AGBL1: variants seen among roughly 807,000 people sequenced by gnomAD.
The protein encoded by AGBL1 is AGBL carboxypeptidase 1, also known as cytosolic carboxypeptidase 4.
Under a neutral mutation model 118.9 loss-of-function variants are expected in AGBL1, and 130 were observed. That is an observed-to-expected ratio of 1.09 (90% CI 0.95 to 1.26). The LOEUF is 1.26. AGBL1 is among the 50% of genes most tolerant of loss of function. AGBL1 has a pLI of 0.00. For synonymous variants in AGBL1, 555 were observed against 478.9 expected, an observed-to-expected ratio of 1.16 and a Z score of -2.08; for missense variants, 1,584 against 1,298.1, an observed-to-expected ratio of 1.22 and a Z score of -3.38.
intron 18 of AGBL1, among the ~76,000 whole-genome samples, chr15:86,412,036 C>T (rs938383244): frequency 2.0e-5 from 3 of 152,150 alleles, no homozygotes; most frequent in African/African-American, 7.2e-5. Context: ...CAAGGAATCC[C>T]TTGAAAAATC....
chr15:86,254,775 C>T (rs988366034), intron 7 of AGBL1, among the ~76,000 whole-genome samples: 7 of 152,154 alleles, frequency 4.6e-5, no homozygotes, highest in Non-Finnish European at 1.0e-4. Context: ...CTTTCCTCAC[C>T]TTAGTCTTGG....
At chr15:86,996,575 C>T (rs1301588380) in intron 24 of AGBL1, among the ~76,000 whole-genome samples, 1 of 152,184 alleles carries the variant, frequency 6.6e-6, no homozygotes, top group African/African-American at 2.4e-5. Flanking sequence ...GTACTCCAGC[C>T]TGGGCAACAG....
chr15:86,273,737 A>G (rs2079198624), intron 15 of AGBL1, among the ~76,000 whole-genome samples: 1 of 152,020 alleles, frequency 6.6e-6, no homozygotes, highest in South Asian at 2.1e-4. Context: ...CTCTATTTCT[A>G]TTATGCTGTT....
intron 18 of AGBL1, among the ~76,000 whole-genome samples, chr15:86,469,622 G>C (rs1371532901): frequency 6.6e-6 from 1 of 152,024 alleles, no homozygotes; most frequent in Non-Finnish European, 1.5e-5. Context: ...TGGATCATAG[G>C]GTAGTTCATT....
chr15:86,271,185 G>C (rs2079155678), intron 14 of AGBL1, among the ~76,000 whole-genome samples: 2 of 151,484 alleles, frequency 1.3e-5, no homozygotes, highest in African/African-American at 4.9e-5. Context: ...CAAGTAGCTG[G>C]GACTACAGGC....
intron 21 of AGBL1, among the ~76,000 whole-genome samples, chr15:86,604,800 T>TC (rs1194521948): frequency 4.0e-5 from 6 of 149,250 alleles, no homozygotes; most frequent in South Asian, 2.1e-4. Context: ...TTTCTTTCTT[T>TC]TTTTTTTTTT....
rs2081628989 is a variant in AGBL1 at position 87,018,401 on chromosome 15, C to A, written c.3324-10424C>A. On this transcript the variant is annotated intron_variant, in intron 24 of 24. Transcript: ENST00000441037. ...CACCTACAAAGGGAAGCCCATCAGA[C>A]TAACAATGGACATCTCAGAAGAAAT... Among the ~76,000 whole-genome samples the A allele has an allele frequency of 2.0e-5, 3 of 152,098 alleles. No individual in the cohort carries two copies. The South Asian group carries it at 6.2e-4, about 32-fold the overall frequency.
chr15:86,270,145 C>T, intron 14 of AGBL1, 78 bp downstream of exon 14: 1 of 1,516,432 alleles, frequency 6.6e-7, no homozygotes, highest in Non-Finnish European at 8.9e-7. Context: ...TTCAAAGAGC[C>T]TTTGCTTGGG....
intron 18 of AGBL1, among the ~76,000 whole-genome samples, chr15:86,521,733 C>A (rs559092556): frequency 6.6e-6 from 1 of 152,268 alleles, no homozygotes; most frequent in African/African-American, 2.4e-5. Context: ...CACACTACAA[C>A]AAACTGGGTG....
At chr15:86,991,586 G>A (rs1200784661) in intron 24 of AGBL1, among the ~76,000 whole-genome samples, 3 of 152,250 alleles carry the variant, frequency 2.0e-5, no homozygotes, top group Admixed American at 6.5e-5. Flanking sequence ...TTCAGAGGAA[G>A]GGAGAATGAC....
chr15:86,522,258 A>G (rs1210593231), intron 18 of AGBL1, among the ~76,000 whole-genome samples: 2 of 152,166 alleles, frequency 1.3e-5, no homozygotes, highest in East Asian at 3.9e-4. Context: ...AGTGCAATAG[A>G]AGAGAGAGAA....
chr15:86,464,866 A>C (rs879320131), intron 18 of AGBL1, among the ~76,000 whole-genome samples: 2 of 151,224 alleles, frequency 1.3e-5, no homozygotes, highest in Non-Finnish European at 2.9e-5. Context: ...GGATTTTCGC[A>C]TCAATGTTCA....
At chr15:86,178,331 C>CA (rs1362632695) in intron 5 of AGBL1, among the ~76,000 whole-genome samples, 1 of 151,894 alleles carries the variant, frequency 6.6e-6, no homozygotes, top group Non-Finnish European at 1.5e-5. Context: ...AACAAACAAA[C>CA]AAAAAATCCA....
At chr15:86,295,209 AT>A in intron 16 of AGBL1, 45 bp from the exon 17 acceptor site, 1 of 1,594,792 alleles carries the variant, frequency 6.3e-7, no homozygotes, top group Non-Finnish European at 8.6e-7. Context: ...TATTGTTGTT[AT>A]AAAAAATGTT....
intron 1 of AGBL1, among the ~76,000 whole-genome samples, chr15:86,095,156 A>C (rs1226510928): frequency 2.0e-5 from 3 of 152,184 alleles, no homozygotes; most frequent in Non-Finnish European, 4.4e-5. Flanking sequence ...CATTAGTCCC[A>C]GGAAGTTAGG....
intron 18 of AGBL1, among the ~76,000 whole-genome samples, chr15:86,461,279 A>G (rs1879035279): frequency 2.0e-5 from 3 of 152,168 alleles, no homozygotes; most frequent in Admixed American, 2.0e-4. Flanking sequence ...AACTGGGTTT[A>G]TAAAAAATGT....
At chr15:86,644,272 G>A (rs1596332541) in intron 21 of AGBL1, among the ~76,000 whole-genome samples, 1 of 152,104 alleles carries the variant, frequency 6.6e-6, no homozygotes, top group South Asian at 2.1e-4. Context: ...GTTTCAGATT[G>A]GGCATTGTGG....
At chr15:86,727,902 G>A (rs1477351459) in intron 22 of AGBL1, among the ~76,000 whole-genome samples, 1 of 152,220 alleles carries the variant, frequency 6.6e-6, no homozygotes, top group East Asian at 1.9e-4. Flanking sequence ...AACAGGTGCA[G>A]TTAAGATGAA....
At chr15:86,234,356 G>A (rs1037045193) in intron 6 of AGBL1, among the ~76,000 whole-genome samples, 1 of 151,938 alleles carries the variant, frequency 6.6e-6, no homozygotes, top group Non-Finnish European at 1.5e-5. Flanking sequence ...TTCCAGACCA[G>A]CCTGACCAAT....
Sources: gnomAD v4.1 joint callset for allele counts (sites outside exome capture counted in the v4.1 genomes callset) on GRCh38, gnomAD v4.1.1 for gene constraint, MANE v1.5 for transcripts, NCBI Gene and HGNC (gene_info 2026-07-23, HGNC 2026-07-21) for gene names.